ATP6V0A2: variants seen among roughly 807,000 people sequenced by gnomAD.
ATP6V0A2 encodes ATPase H+ transporting V0 subunit a2.
A neutral mutation model predicts 104.4 loss-of-function variants in ATP6V0A2; 58 were observed. That is an observed-to-expected ratio of 0.56 (90% CI 0.45 to 0.69). The LOEUF (loss-of-function observed/expected upper bound fraction) is 0.69. Among genes scored for constraint, ATP6V0A2 ranks in the 30% least tolerant of loss-of-function variants. The pLI, the probability that ATP6V0A2 is intolerant of heterozygous loss-of-function variation, is 0.00. For synonymous variants in ATP6V0A2, 376 were observed against 397.9 expected (o/e 0.95, Z 0.65); for missense variants, 938 against 1,062.9 (o/e 0.88, Z 1.63).
intron 13 of ATP6V0A2, among the ~76,000 whole-genome samples, chr12:123,745,487 A>G (rs1233133330): frequency 2.0e-5 from 3 of 152,190 alleles, no homozygotes; most frequent in Admixed American, 1.3e-4. Context: ...CGGGCAGATC[A>G]TGAGGTCAGG....
At chr12:123,753,612 A>G (rs1956736740) in intron 17 of ATP6V0A2, among the ~76,000 whole-genome samples, 1 of 152,206 alleles carries the variant, frequency 6.6e-6, no homozygotes. Flanking sequence ...ATACAGTCAC[A>G]TTGCGGTTAG....
chr12:123,730,020 T>G (rs1194934845), intron 6 of ATP6V0A2, among the ~76,000 whole-genome samples: 1 of 150,548 alleles, frequency 6.6e-6, no homozygotes, highest in Non-Finnish European at 1.5e-5. Context: ...TTTCACCATA[T>G]TGAAACACCA....
chr12:123,713,468 G>A (rs1956311781), intron 1 of ATP6V0A2, among the ~76,000 whole-genome samples: 1 of 152,144 alleles, frequency 6.6e-6, no homozygotes, highest in African/African-American at 2.4e-5. Flanking sequence ...ACCTCTGAGA[G>A]TAAGTACCTT....
At chr12:123,738,407 A>G (rs913065141) in intron 9 of ATP6V0A2, among the ~76,000 whole-genome samples, 1 of 152,102 alleles carries the variant, frequency 6.6e-6, no homozygotes, top group Non-Finnish European at 1.5e-5. Flanking sequence ...AAAAAAAAAA[A>G]AGAGCGTTTT....
rs71308012 is a variant in ATP6V0A2, at chr12:123,729,322, G to GTTTTT, written c.648+1420_648+1424dup. ...AATCAACTGTTTCTTCAAGGAGGCT[G>GTTTTT]TTTTTTTTTTTGAGTGCAAATCTTG... is the stretch of plus-strand genomic sequence containing the variant. On this transcript the variant is annotated intron_variant, in intron 6 of 19. Coordinates refer to ENST00000330342, the MANE Select transcript of ATP6V0A2 (RefSeq NM_012463.4). Among the ~76,000 whole-genome samples, 7 of 113,894 alleles carry GTTTTT rather than the reference G, an allele frequency of 6.1e-5. 1 individual carries two copies. Among genetic ancestry groups the GTTTTT allele is most frequent in the Admixed American group, 5.0e-4 (5 of 9,926 alleles). The allele number at this position is 113,894 out of a possible 152,430, so 74.7% of individuals were successfully genotyped here.
At chr12:123,750,813 G>A (rs1956707080) in intron 15 of ATP6V0A2, 1 of 410,766 alleles carries the variant, frequency 2.4e-6, no homozygotes, top group Non-Finnish European at 4.6e-6. Flanking sequence ...CATTTACAGT[G>A]TTTACAGAAA....
At chr12:123,745,006 TG>T in intron 13 of ATP6V0A2, 34 bp downstream of exon 13, 1 of 1,589,004 alleles carries the variant, frequency 6.3e-7, no homozygotes, top group Middle Eastern at 1.7e-4. Flanking sequence ...TGTCTCTGGA[TG>T]CTCTGTGGTG....
rs556409851 is a variant in ATP6V0A2 at position 123,722,693 on chromosome 12, GT to G, written c.294+246del. ...AAGGCATATGCTTCCTTTCCAGGTGGTGGTGAACAGAGGCAACAAGAATCAG... is the reference window on the plus strand; with the variant it reads ...AAGGCATATGCTTCCTTTCCAGGTGGGGTGAACAGAGGCAACAAGAATCAG... On this transcript the variant is annotated intron_variant, in intron 3 of 19. Transcript: ENST00000330342. Among the ~76,000 whole-genome samples, 6 of 152,246 alleles carry G rather than the reference GT, an allele frequency of 3.9e-5. No individual in the cohort carries two copies. The East Asian group carries it at 1.2e-3, about 29-fold the overall frequency.
chr12:123,716,342 C>T (rs1956339083), intron 1 of ATP6V0A2, among the ~76,000 whole-genome samples: 1 of 152,160 alleles, frequency 6.6e-6, no homozygotes, highest in African/African-American at 2.4e-5. Flanking sequence ...GCTGGGATTA[C>T]AAGCATGAGC....
intron 9 of ATP6V0A2, among the ~76,000 whole-genome samples, chr12:123,743,523 T>C (rs1956629161): frequency 6.6e-6 from 1 of 151,700 alleles, no homozygotes. Flanking sequence ...CATGGTTGCA[T>C]ATGCCTGTAA....
chr12:123,724,531 A>G, intron 3 of ATP6V0A2, 123 bp from the exon 4 acceptor site: 1 of 991,404 alleles, frequency 1.0e-6, no homozygotes, highest in Non-Finnish European at 1.5e-6. Flanking sequence ...TCCATCTCAA[A>G]AAAAAAAAAA....
Position 123,747,629 on chromosome 12 carries a change from G to A in ATP6V0A2, c.1628G>A (p.Arg543His), listed in dbSNP as rs779217471. The change falls in exon 14 of 20, where the codon CGC (arginine) becomes CAC (histidine). Residue 543 changes from arginine to histidine, a missense_variant. Coordinates refer to ENST00000330342, the MANE Select transcript of ATP6V0A2 (RefSeq NM_012463.4). ...IDPIWNLATN[R>H]LTFLNSFKMK... is the part of the protein sequence containing the mutation. Reference sequence around the variant, plus strand: ...TAGATTTGGAACTTGGCCACAAATCGCCTCACTTTTCTAAACTCTTTCAAA... The same window carrying A: ...TAGATTTGGAACTTGGCCACAAATCACCTCACTTTTCTAAACTCTTTCAAA... 18 of 1,612,846 alleles carry A rather than the reference G, an allele frequency of 1.1e-5. No individual in the cohort carries two copies. Among genetic ancestry groups the A allele is most frequent in the South Asian group, 4.4e-5 (4 of 91,074 alleles).
At chr12:123,741,717 G>C (rs1228774042) in intron 9 of ATP6V0A2, among the ~76,000 whole-genome samples, 1 of 152,076 alleles carries the variant, frequency 6.6e-6, no homozygotes, top group Non-Finnish European at 1.5e-5. Context: ...TCCTGTCTCA[G>C]CCTCCCAAAG....
chr12:123,735,720 G>T (rs991069575), intron 8 of ATP6V0A2, 96 bp downstream of exon 8: 1 of 1,044,328 alleles, frequency 9.6e-7, no homozygotes, highest in Non-Finnish European at 1.5e-6. Context: ...AATATTGGTC[G>T]TAGACAAATC....
intron 15 of ATP6V0A2, among the ~76,000 whole-genome samples, chr12:123,749,587 A>T (rs1352452600): frequency 6.6e-6 from 1 of 152,226 alleles, no homozygotes; most frequent in East Asian, 1.9e-4. Context: ...GAGCTGGTTC[A>T]TAGTATAGCG....
At chr12:123,724,862 G>A (rs745523679) in intron 4 of ATP6V0A2, 71 bp downstream of exon 4, 3 of 1,373,684 alleles carry the variant, frequency 2.2e-6, no homozygotes, top group Non-Finnish European at 3.1e-6. Flanking sequence ...CATTCCCATA[G>A]GCTGTGTATT....
Position 123,744,993 on chromosome 12 carries a change from C to T in ATP6V0A2, c.1605+21C>T, listed in dbSNP as rs376531318. 22 of 1,610,098 alleles carry T rather than the reference C, an allele frequency of 1.4e-5. No homozygotes were observed. The highest frequency in any genetic ancestry group is 4.0e-5 in the African/African-American group (3 of 74,832). ...ATCCTGTGAGTGCACCACGCTCTGT[C>T]GTTGTCTCTGGATGCTCTGTGGTGC... On this transcript the variant is annotated intron_variant, in intron 13 of 19. Coordinates refer to ENST00000330342, the MANE Select transcript of ATP6V0A2 (RefSeq NM_012463.4). This position sits in a 1 kb window ranked among gnomAD's most constrained non-coding sequence, Gnocchi z 5.4.
At chr12:123,718,543 C>A in intron 1 of ATP6V0A2, 80 bp from the exon 2 acceptor site, 1 of 1,073,926 alleles carries the variant, frequency 9.3e-7, no homozygotes, top group South Asian at 1.3e-5. Context: ...ATCCCCCAAA[C>A]TTTGGTGATG....
rs1295743514 is a variant in ATP6V0A2 at position 123,755,134 on chromosome 12, G to A, written c.2293+597G>A. ...TGCATTTACCAGCCTACGTGCGGCA[G>A]GTGTCGTGATGAAGATGCTGATAAC... On this transcript the variant is annotated intron_variant, in intron 18 of 19. Transcript: ENST00000330342. Among the ~76,000 whole-genome samples the A allele has an allele frequency of 3.3e-5, 5 of 152,196 alleles. No homozygotes were observed. The South Asian group carries it at 6.2e-4, about 19-fold the overall frequency.
Sources: gnomAD v4.1 joint callset for allele counts (sites outside exome capture counted in the v4.1 genomes callset) on GRCh38, gnomAD v4.1.1 for gene constraint, Gnocchi (gnomAD v3.1) non-coding constraint, MANE v1.5 for transcripts, NCBI Gene and HGNC (gene_info 2026-07-23, HGNC 2026-07-21) for gene names.